TTC7B: variants seen among roughly 807,000 people sequenced by gnomAD.
TTC7B encodes the protein tetratricopeptide repeat domain 7B.
In TTC7B, 28 loss-of-function variants were observed where a neutral mutation model predicts 106.8. The ratio of observed to expected loss-of-function variants is 0.26; its 90% CI spans 0.19 to 0.36. The LOEUF is 0.36. Ranked by LOEUF, TTC7B falls within the 10% of genes least tolerant of loss-of-function variation. The pLI, the probability that TTC7B is intolerant of heterozygous loss-of-function variation, is 1.00. For missense variants in TTC7B, 862 were observed against 1,076.4 expected (o/e 0.80, Z 2.79); for synonymous variants, 405 against 430.6 (o/e 0.94, Z 0.74).
intron 4 of TTC7B, among the ~76,000 whole-genome samples, chr14:90,737,808 C>T (rs748175694): frequency 5.3e-5 from 8 of 152,112 alleles, no homozygotes; most frequent in Non-Finnish European, 1.0e-4. Context: ...CCACCCACCT[C>T]GGCCTCCCAA....
At chr14:90,774,658 T>C (rs2140029578) in intron 3 of TTC7B, among the ~76,000 whole-genome samples, 1 of 152,324 alleles carries the variant, frequency 6.6e-6, no homozygotes, top group African/African-American at 2.4e-5. Flanking sequence ...GACTTCTAGG[T>C]ACTCCCCATC....
chr14:90,624,991 C>T lies in TTC7B; in HGVS notation c.1752-6946G>A, dbSNP rs1398767719. Among the ~76,000 whole-genome samples the T allele has an allele frequency of 6.6e-6, 1 of 152,196 alleles. No homozygotes were observed. The highest frequency in any genetic ancestry group is 1.5e-5 in the Non-Finnish European group (1 of 68,042). ...AAGCGGGGCAGCGGCTGAGGGGGCC[C>T]TGGATACCTTCCCCATCTCTTGCTG... On this transcript the variant is annotated intron_variant, in intron 15 of 19. Transcript: ENST00000328459. This position sits in a 1 kb window ranked among gnomAD's most constrained non-coding sequence, Gnocchi z 4.0.
At chr14:90,568,027 A>G (rs1173952143) in intron 19 of TTC7B, among the ~76,000 whole-genome samples, 1 of 152,204 alleles carries the variant, frequency 6.6e-6, no homozygotes, top group Non-Finnish European at 1.5e-5. Context: ...AGTCTCTGGG[A>G]CCAGCACCAA....
chr14:90,709,070 A>C (rs1312542660), intron 5 of TTC7B, among the ~76,000 whole-genome samples: 1 of 151,834 alleles, frequency 6.6e-6, no homozygotes, highest in African/African-American at 2.4e-5. Context: ...AAATAGGAAC[A>C]CTTTTACACT....
At chr14:90,784,176 TC>T (rs200621968) in intron 2 of TTC7B, among the ~76,000 whole-genome samples, 3 of 152,050 alleles carry the variant, frequency 2.0e-5, no homozygotes, top group East Asian at 1.9e-4. Context: ...CCCTTCACTC[TC>T]TCCTGCTGAT....
chr14:90,546,871 A>G (rs910631385), intron 19 of TTC7B, among the ~76,000 whole-genome samples: 1 of 152,164 alleles, frequency 6.6e-6, no homozygotes, highest in Non-Finnish European at 1.5e-5. Flanking sequence ...GTCTCATTCC[A>G]TCCTCTCTCA....
At chr14:90,555,031 G>T (rs1268649321) in intron 19 of TTC7B, among the ~76,000 whole-genome samples, 2 of 152,244 alleles carry the variant, frequency 1.3e-5, no homozygotes, top group Non-Finnish European at 2.9e-5. Context: ...AGGAGGGCAA[G>T]TACCTGGTTC....
At chr14:90,638,911 G>A (rs1296678152) in intron 15 of TTC7B, among the ~76,000 whole-genome samples, 1 of 152,240 alleles carries the variant, frequency 6.6e-6, no homozygotes, top group Non-Finnish European at 1.5e-5. Flanking sequence ...AACAACTGCG[G>A]ACATTTGGTT....
intron 3 of TTC7B, among the ~76,000 whole-genome samples, chr14:90,774,510 T>C (rs1207342029): frequency 6.6e-6 from 1 of 152,168 alleles, no homozygotes; most frequent in African/African-American, 2.4e-5. Context: ...GATGGAGTTG[T>C]CGAGGCTGAC....
intron 15 of TTC7B, among the ~76,000 whole-genome samples, chr14:90,618,788 C>T (rs938078575): frequency 6.6e-6 from 1 of 152,394 alleles, no homozygotes; most frequent in Non-Finnish European, 1.5e-5. Context: ...CTCCTGGCCC[C>T]TGGACTTGTC....
intron 1 of TTC7B, among the ~76,000 whole-genome samples, chr14:90,787,167 A>G (rs1891421300): frequency 6.6e-6 from 1 of 152,216 alleles, no homozygotes; most frequent in South Asian, 2.1e-4. Flanking sequence ...TCTAAAAGTC[A>G]TAACTATACA....
chr14:90,781,980 A>G (rs985073915), intron 2 of TTC7B, among the ~76,000 whole-genome samples: 2 of 152,196 alleles, frequency 1.3e-5, no homozygotes, highest in African/African-American at 4.8e-5. Context: ...TCAGAGCCCA[A>G]GCGGTTCAAA....
In TTC7B at chr14:90,759,635, G is replaced by C. The variant is rs889987850; in HGVS notation, c.446-14713C>G. 2.6e-5 allele frequency among the ~76,000 whole-genome samples: 4 copies of C among 152,220 alleles called. No homozygotes were observed. Among genetic ancestry groups the C allele is most frequent in the Non-Finnish European group, 5.9e-5 (4 of 68,038 alleles). ...AGCTTGAAAGTTGACAAATTGAGAT[G>C]AACCAGCTCGTCGGTGAGTGTAGGC... is the stretch of plus-strand genomic sequence containing the variant. On this transcript the variant is annotated intron_variant, in intron 3 of 19. Transcript: ENST00000328459. The surrounding 1 kb of genome is among the most constrained non-coding windows in gnomAD (Gnocchi z 4.1).
chr14:90,644,381 C>T (rs74081263), intron 14 of TTC7B, among the ~76,000 whole-genome samples, 173 bp from the exon 15 acceptor site: 1,833 of 152,138 alleles, frequency 0.012, 36 homozygotes, highest in African/African-American at 0.042. Context: ...TTATGGCAGC[C>T]CCAGGATATT....
intron 15 of TTC7B, among the ~76,000 whole-genome samples, chr14:90,632,744 T>C (rs1884756573): frequency 6.6e-6 from 1 of 152,230 alleles, no homozygotes; most frequent in Non-Finnish European, 1.5e-5. Context: ...TCCAGGTGTA[T>C]AATCTTGGAC....
intron 4 of TTC7B, among the ~76,000 whole-genome samples, chr14:90,732,780 C>A (rs1889375286): frequency 6.6e-6 from 1 of 152,032 alleles, no homozygotes; most frequent in South Asian, 2.1e-4. Context: ...CTGCGCCCAG[C>A]TCCTGAATAA....
chr14:90,725,091 G>A (rs567614381), intron 5 of TTC7B, among the ~76,000 whole-genome samples: 1 of 152,306 alleles, frequency 6.6e-6, no homozygotes, highest in East Asian at 1.9e-4. Flanking sequence ...AATGCTTACA[G>A]GAAACGTGTG....
chr14:90,781,601 C>T (rs1891221885), intron 2 of TTC7B, among the ~76,000 whole-genome samples: 1 of 152,340 alleles, frequency 6.6e-6, no homozygotes, highest in Admixed American at 6.5e-5. Flanking sequence ...AGCGGCCAGA[C>T]ATCCTGGTGG....
chr14:90,597,691 A>C (rs1359150653), intron 17 of TTC7B, among the ~76,000 whole-genome samples: 1 of 151,916 alleles, frequency 6.6e-6, no homozygotes, highest in Admixed American at 6.6e-5. Context: ...AACAAAAAAA[A>C]CCCTGTACTG....
Sources: allele counts gnomAD v4.1 joint callset (sites outside exome capture counted in the v4.1 genomes callset), GRCh38; gene constraint gnomAD v4.1.1; non-coding constraint Gnocchi (gnomAD v3.1); transcripts MANE v1.5; gene names NCBI Gene and HGNC (gene_info 2026-07-23, HGNC 2026-07-21).